The following PCDH9 variants were observed in gnomAD, a reference collection of about 807,000 sequenced individuals.
PCDH9 encodes protocadherin 9, also known as protocadherin-9.
A neutral mutation model predicts 70.6 loss-of-function variants in PCDH9; 24 were observed. The ratio of observed to expected loss-of-function variants is 0.34; its 90% CI spans 0.25 to 0.48. The LOEUF is 0.48. Ranked by LOEUF, PCDH9 falls within the 20% of genes least tolerant of loss-of-function variation. The pLI is 0.99. For missense variants in PCDH9, 1,281 were observed against 1,503.6 expected, an observed-to-expected ratio of 0.85 and a Z score of 2.45; for synonymous variants, 562 against 558.5, an observed-to-expected ratio of 1.01 and a Z score of -0.09.
chr13:66,989,489 C>T (rs2083959052), intron 2 of PCDH9, among the ~76,000 whole-genome samples: 1 of 151,892 alleles, frequency 6.6e-6, no homozygotes, highest in South Asian at 2.1e-4. Flanking sequence ...AAAATGTATT[C>T]CTCAACTAAT....
intron 2 of PCDH9, among the ~76,000 whole-genome samples, chr13:67,129,271 T>G (rs1389111200): frequency 1.1e-4 from 17 of 152,170 alleles, no homozygotes; most frequent in Non-Finnish European, 1.5e-5. Flanking sequence ...CAACTCTTTG[T>G]GATGAACAGA....
intron 2 of PCDH9, among the ~76,000 whole-genome samples, chr13:67,178,679 C>T (rs2088532508): frequency 6.6e-6 from 1 of 152,098 alleles, no homozygotes; most frequent in African/African-American, 2.4e-5. Context: ...TTGCATTTTC[C>T]TGAATCACCT....
At chr13:66,941,746 G>A (rs1282769087) in intron 2 of PCDH9, among the ~76,000 whole-genome samples, 1 of 151,832 alleles carries the variant, frequency 6.6e-6, no homozygotes, top group Non-Finnish European at 1.5e-5. Flanking sequence ...TATACATGAA[G>A]TAAAAACTAA....
chr13:67,159,775 C>A (rs2087907085), intron 2 of PCDH9, among the ~76,000 whole-genome samples: 1 of 151,884 alleles, frequency 6.6e-6, no homozygotes, highest in Admixed American at 6.6e-5. Context: ...GGGAAAAGAA[C>A]AAAACGAACC....
chr13:67,069,380 G>C (rs1256183773), intron 2 of PCDH9, among the ~76,000 whole-genome samples: 2 of 152,052 alleles, frequency 1.3e-5, no homozygotes, highest in African/African-American at 2.4e-5. Flanking sequence ...AGGTGTTGGA[G>C]AAAATAATAC....
intron 3 of PCDH9, among the ~76,000 whole-genome samples, chr13:66,867,016 C>CTT (rs562922937): frequency 0.016 from 2,246 of 136,964 alleles, 25 homozygotes; most frequent in African/African-American, 0.028. Flanking sequence ...CAGTTTCTTT[C>CTT]TTTTTTTTTT....
intron 3 of PCDH9, among the ~76,000 whole-genome samples, chr13:66,729,425 T>C (rs765970441): frequency 8.5e-5 from 13 of 152,152 alleles, no homozygotes; most frequent in Non-Finnish European, 1.3e-4. Flanking sequence ...AAAATTCATA[T>C]ATTTTGCTTC....
At chr13:66,682,366 ATC>A (rs2078337504) in intron 3 of PCDH9, among the ~76,000 whole-genome samples, 2 of 48,524 alleles carry the variant, frequency 4.1e-5, no homozygotes, top group Non-Finnish European at 8.1e-5. Context: ...CTATCTATCT[ATC>A]TATCTATCTA....
At chr13:66,791,026 A>G (rs1000663461) in intron 3 of PCDH9, among the ~76,000 whole-genome samples, 1 of 152,130 alleles carries the variant, frequency 6.6e-6, no homozygotes, top group Non-Finnish European at 1.5e-5. Flanking sequence ...CAAATTCTCT[A>G]GCTCTAAGCC....
intron 4 of PCDH9, among the ~76,000 whole-genome samples, chr13:66,591,764 C>G (rs537912936): frequency 6.6e-6 from 1 of 151,202 alleles, no homozygotes; most frequent in Non-Finnish European, 1.5e-5. Flanking sequence ...GTATAAAATT[C>G]TAAGAGTTTA....
At chr13:67,044,422 C>A (rs1398754260) in intron 2 of PCDH9, among the ~76,000 whole-genome samples, 2 of 152,130 alleles carry the variant, frequency 1.3e-5, no homozygotes, top group African/African-American at 4.8e-5. Context: ...CACATGGCAT[C>A]CTTAGCGCTT....
chr13:66,799,775 C>A (rs2080298259), intron 3 of PCDH9, among the ~76,000 whole-genome samples: 1 of 152,134 alleles, frequency 6.6e-6, no homozygotes, highest in Admixed American at 6.6e-5. Context: ...ATGTCAGAAA[C>A]CAGGTCAAAA....
chr13:66,719,047 T>C (rs1041179810), intron 3 of PCDH9, among the ~76,000 whole-genome samples: 3 of 152,204 alleles, frequency 2.0e-5, no homozygotes, highest in African/African-American at 7.2e-5. Context: ...ACTTAGTTAA[T>C]ATGGGCTAAT....
At chr13:67,113,970 T>A (rs979792003) in intron 2 of PCDH9, among the ~76,000 whole-genome samples, 4 of 152,224 alleles carry the variant, frequency 2.6e-5, no homozygotes, top group African/African-American at 9.6e-5. Context: ...ATAATAATGC[T>A]GCCTACAATA....
At chr13:67,141,495 C>T (rs2087387362) in intron 2 of PCDH9, among the ~76,000 whole-genome samples, 1 of 151,844 alleles carries the variant, frequency 6.6e-6, no homozygotes, top group Non-Finnish European at 1.5e-5. Context: ...GGCTGGAGTG[C>T]AGTGGCGCAA....
chr13:66,317,895 T>A (rs73503900), intron 4 of PCDH9, among the ~76,000 whole-genome samples: 1 of 152,182 alleles, frequency 6.6e-6, no homozygotes, highest in South Asian at 2.1e-4. Context: ...CATTTTAGTG[T>A]ACATGTAGAA....
intron 3 of PCDH9, among the ~76,000 whole-genome samples, chr13:66,681,968 T>TATATATATATATATATATATATA (rs1566502472): frequency 3.0e-4 from 44 of 148,470 alleles, no homozygotes; most frequent in South Asian, 6.4e-4. Context: ...TATATATATA[T>TATATATATATATATATATATATA]TTGAGAGATT....
At chr13:66,617,741 G>T (rs1284307951) in intron 4 of PCDH9, among the ~76,000 whole-genome samples, 1 of 152,052 alleles carries the variant, frequency 6.6e-6, no homozygotes, top group African/African-American at 2.4e-5. Context: ...TAATAACCCG[G>T]TTTGTCTGTT....
intron 2 of PCDH9, chr13:67,213,144 G>C (rs1322583283): frequency 7.3e-6 from 1 of 137,202 alleles, no homozygotes; most frequent in Non-Finnish European, 1.5e-5. Flanking sequence ...CCGGGAGGCG[G>C]AGCTTGCAGT....
Sources: allele counts gnomAD v4.1 joint callset (sites outside exome capture counted in the v4.1 genomes callset), GRCh38; gene constraint gnomAD v4.1.1; transcripts MANE v1.5; gene names NCBI Gene and HGNC (gene_info 2026-07-23, HGNC 2026-07-21).